ZNRF3: variants seen among roughly 807,000 people sequenced by gnomAD.
ZNRF3 encodes E3 ubiquitin-protein ligase ZNRF3.
Under a neutral mutation model 72.5 loss-of-function variants are expected in ZNRF3, and 23 were observed. That is an observed-to-expected ratio of 0.32 (90% CI 0.23 to 0.45). The LOEUF is 0.45. Ranked by LOEUF, ZNRF3 falls within the 20% of genes least tolerant of loss-of-function variation. ZNRF3 has a pLI of 1.00. For synonymous variants in ZNRF3, 610 were observed against 545.3 expected (o/e 1.12, Z -1.65); for missense variants, 1,169 against 1,272.1 (o/e 0.92, Z 1.23).
chr22:29,007,190 T>A (rs2036267199), intron 2 of ZNRF3, among the ~76,000 whole-genome samples: 1 of 152,212 alleles, frequency 6.6e-6, no homozygotes, highest in African/African-American at 2.4e-5. Flanking sequence ...GGCCCCTGGC[T>A]CTAATGAATG....
chr22:29,044,070 T>A (rs2037016707), intron 4 of ZNRF3, among the ~76,000 whole-genome samples: 1 of 152,184 alleles, frequency 6.6e-6, no homozygotes, highest in African/African-American at 2.4e-5. Flanking sequence ...TGGTGTTATT[T>A]CCTCCTCACA....
At chr22:29,032,844 A>G (rs916412722) in intron 2 of ZNRF3, among the ~76,000 whole-genome samples, 5 of 152,262 alleles carry the variant, frequency 3.3e-5, no homozygotes, top group African/African-American at 1.2e-4. Context: ...ATTTTAAGTA[A>G]ACAATGACAG....
rs183531005 is a variant in ZNRF3, at chr22:28,893,777, C to T, written c.300+9711C>T. On this transcript the variant is annotated intron_variant, in intron 1 of 8. Coordinates refer to ENST00000544604, the MANE Select transcript of ZNRF3 (RefSeq NM_001206998.2). Reference sequence around the variant, plus strand: ...CCTCCCAAAGTGCTGGGATTATAGGCGTGAGCCACTGTGCCCGGCCTGCCT... The same window carrying T: ...CCTCCCAAAGTGCTGGGATTATAGGTGTGAGCCACTGTGCCCGGCCTGCCT... 2.1e-3 allele frequency among the ~76,000 whole-genome samples: 325 copies of T among 152,248 alleles called. 1 individual carries two copies. Among genetic ancestry groups the T allele is most frequent in the Admixed American group, 4.7e-3 (72 of 15,288 alleles).
At chr22:28,941,152 G>C (rs2034939362) in intron 1 of ZNRF3, among the ~76,000 whole-genome samples, 1 of 152,162 alleles carries the variant, frequency 6.6e-6, no homozygotes, top group Admixed American at 6.5e-5. Context: ...CTGCAAAAAT[G>C]GTTGGCTTAG....
At chr22:28,917,315 A>G (rs1217341094) in intron 1 of ZNRF3, 4 of 373,104 alleles carry the variant, frequency 1.1e-5, no homozygotes, top group Non-Finnish European at 1.5e-5. Context: ...GACACTAGGT[A>G]TGTGTGCTCT....
chr22:28,949,834 C>T (rs574405189), intron 1 of ZNRF3, among the ~76,000 whole-genome samples: 1 of 152,176 alleles, frequency 6.6e-6, no homozygotes, highest in Non-Finnish European at 1.5e-5. Context: ...AATGGTGTTC[C>T]GTGAAAAAAG....
chr22:28,940,077 TG>T (rs2034914053), intron 1 of ZNRF3, among the ~76,000 whole-genome samples: 1 of 152,220 alleles, frequency 6.6e-6, no homozygotes, highest in Non-Finnish European at 1.5e-5. Context: ...AGCAGGCCTA[TG>T]TCTTGTGTAG....
rs2037165446 is a variant in ZNRF3, at chr22:29,050,092, C to T, written c.1911C>T (p.His637=). Residue 637 remains histidine (H), a synonymous_variant, in exon 8 of 9, where the codon CAC becomes CAT. Transcript: ENST00000544604. ...SPPPEELPAV[H]SHGAGRGEPW... ...CTCCCGAGGAGCTCCCGGCGGTGCA[C>T]AGTCATGGTGCTGGGCGGGGCGAGC... The T allele has an allele frequency of 5.0e-6, 8 of 1,608,274 alleles. No homozygotes were observed. The highest frequency in any genetic ancestry group is 4.4e-5 in the South Asian group (4 of 90,986).
At chr22:29,035,201 G>T (rs1569290451) in intron 2 of ZNRF3, among the ~76,000 whole-genome samples, 1 of 151,968 alleles carries the variant, frequency 6.6e-6, no homozygotes. Flanking sequence ...CCTGGCTCCT[G>T]GGAGTTTCTG....
chr22:29,052,587 G>A (rs2037225878), intron 8 of ZNRF3, among the ~76,000 whole-genome samples: 1 of 152,058 alleles, frequency 6.6e-6, no homozygotes, highest in African/African-American at 2.4e-5. Flanking sequence ...TACCTACTCG[G>A]GAGGCTGAGG....
chr22:28,943,061 G>A (rs2034976408), intron 1 of ZNRF3, among the ~76,000 whole-genome samples: 1 of 152,204 alleles, frequency 6.6e-6, no homozygotes, highest in Admixed American at 6.5e-5. Flanking sequence ...TTCAGAAAAT[G>A]CTATTTTAAG....
At chr22:28,986,541 C>T (rs2035857324) in intron 1 of ZNRF3, 3 of 873,492 alleles carry the variant, frequency 3.4e-6, no homozygotes, top group Non-Finnish European at 4.1e-6. Flanking sequence ...TTATCTGTTT[C>T]CCAGTAACCA....
At chr22:29,032,392 T>TA (rs2036779173) in intron 2 of ZNRF3, among the ~76,000 whole-genome samples, 1 of 152,134 alleles carries the variant, frequency 6.6e-6, no homozygotes. Flanking sequence ...TGGGGCCTGA[T>TA]ACAGATCCAC....
rs5762907 is a variant in ZNRF3, at chr22:28,943,097, C to G, written c.301-43979C>G. 2.0e-4 allele frequency among the ~76,000 whole-genome samples: 30 copies of G among 152,254 alleles called. No individual in the cohort carries two copies. In the South Asian group the frequency reaches 2.1e-3, roughly 11 times the overall value. On this transcript the variant is annotated intron_variant, in intron 1 of 8. Transcript: ENST00000544604. ...TGTTTCTTCTTTACCCTATTTCCCC[C>G]TTGTTGAACAGTGCAAAACTACCAG...
chr22:29,006,268 C>G (rs2036243657), intron 2 of ZNRF3, among the ~76,000 whole-genome samples: 1 of 140,720 alleles, frequency 7.1e-6, no homozygotes, highest in African/African-American at 2.7e-5. Flanking sequence ...GGCTACCGTG[C>G]AATGGCACAA....
chr22:28,949,128 C>T (rs1006318277), intron 1 of ZNRF3, among the ~76,000 whole-genome samples: 10 of 152,020 alleles, frequency 6.6e-5, no homozygotes, highest in South Asian at 2.1e-4. Flanking sequence ...TACAGGCACG[C>T]GCCACCACGC....
In ZNRF3 at chr22:28,892,963, C is replaced by G. The variant is rs181144600; in HGVS notation, c.300+8897C>G. ...CGGGCAGATCACGAGGTCAGGAGAT[C>G]GAGACCACCCTGACTAACACAGTGA... On this transcript the variant is annotated intron_variant, in intron 1 of 8. Coordinates refer to ENST00000544604, the MANE Select transcript of ZNRF3 (RefSeq NM_001206998.2). Among the ~76,000 whole-genome samples, 1,292 of 151,996 alleles carry G rather than the reference C, an allele frequency of 8.5e-3. 14 individuals are homozygous for G. The highest frequency in any genetic ancestry group is 0.03 in the African/African-American group (1,233 of 41,420).
chr22:28,949,961 A>T (rs1315902610), intron 1 of ZNRF3, among the ~76,000 whole-genome samples: 3 of 150,692 alleles, frequency 2.0e-5, no homozygotes, highest in Admixed American at 6.6e-5. Flanking sequence ...GCCACGCAGA[A>T]TTTTTTTTTT....
chr22:29,017,863 GAA>G, intron 2 of ZNRF3: 1 of 411,330 alleles, frequency 2.4e-6, no homozygotes, highest in Admixed American at 2.8e-5. Context: ...AATTGTTCTA[GAA>G]AAATTGGGCA....
Sources: gnomAD v4.1 joint callset for allele counts (sites outside exome capture counted in the v4.1 genomes callset) on GRCh38, gnomAD v4.1.1 for gene constraint, MANE v1.5 for transcripts, NCBI Gene and HGNC (gene_info 2026-07-23, HGNC 2026-07-21) for gene names.